The following FAM83G variants were observed in gnomAD, a reference collection of about 807,000 sequenced individuals.
FAM83G encodes protein FAM83G.
FAM83G carries 38 observed loss-of-function variants against 61.5 expected under a neutral mutation model. The ratio of observed to expected loss-of-function variants is 0.62; its 90% CI spans 0.48 to 0.81. FAM83G has a LOEUF of 0.81. FAM83G is among the 30% of genes least tolerant of loss of function. The probability of loss-of-function intolerance (pLI) is 0.00; values close to 1 mark genes in which losing one functional copy is unlikely to be tolerated. For missense variants in FAM83G, 989 were observed against 1,133.6 expected, an observed-to-expected ratio of 0.87 and a Z score of 1.83; for synonymous variants, 470 against 476.1, an observed-to-expected ratio of 0.99 and a Z score of 0.17.
At chr17:18,983,659 A>G (rs976989287) in intron 3 of FAM83G, among the ~76,000 whole-genome samples, 6 of 152,188 alleles carry the variant, frequency 3.9e-5, no homozygotes, top group Admixed American at 2.6e-4. Flanking sequence ...GCAGGCCTCC[A>G]GCAGCCTCTA....
chr17:18,995,667 G>C (rs190345382), intron 2 of FAM83G, among the ~76,000 whole-genome samples: 2 of 152,306 alleles, frequency 1.3e-5, no homozygotes, highest in Admixed American at 1.3e-4. Flanking sequence ...CAGCACTTTG[G>C]GAGGCAGAGG....
At chr17:18,977,164 G>C (rs756901230) in intron 5 of FAM83G, 2 of 869,024 alleles carry the variant, frequency 2.3e-6, no homozygotes, top group Admixed American at 2.7e-5. Flanking sequence ...CATGGATGTG[G>C]CTTGGCACAA....
At chr17:18,990,252 C>CA (rs2043380402) in intron 2 of FAM83G, among the ~76,000 whole-genome samples, 1 of 152,232 alleles carries the variant, frequency 6.6e-6, no homozygotes, top group Admixed American at 6.5e-5. Context: ...CTGCTTGGAG[C>CA]GGGGGTAGAT....
In FAM83G at chr17:18,969,326, T is replaced by A; in HGVS notation, c.*2033A>T. ...GGGGCCAGGGCCCCCTCCAGCAACCTTGCTTCCACTGGCAGGGGGCCTGGC... is the reference window on the plus strand; with the variant it reads ...GGGGCCAGGGCCCCCTCCAGCAACCATGCTTCCACTGGCAGGGGGCCTGGC... On this transcript the variant is annotated 3_prime_UTR_variant, in exon 6 of 6. Coordinates refer to ENST00000388995, the MANE Select transcript of FAM83G (RefSeq NM_001039999.3). 6.2e-7 allele frequency: 1 copy of A among 1,612,620 alleles called. No individual in the cohort carries two copies. The highest frequency in any genetic ancestry group is 8.5e-7 in the Non-Finnish European group (1 of 1,179,528).
intron 2 of FAM83G, among the ~76,000 whole-genome samples, chr17:18,991,216 C>T (rs550782937): frequency 3.9e-5 from 6 of 152,286 alleles, no homozygotes; most frequent in South Asian, 4.1e-4. Flanking sequence ...GAGCCCAGGA[C>T]GGGGCCTGGT....
chr17:18,969,262 C>CAGGAGCCCCAGA lies in FAM83G; in HGVS notation c.*2085_*2096dup, dbSNP rs1281914740. ...GGAGCAGCCCAGGAAGTGGCCCCAG[C>CAGGAGCCCCAGA]AGGAGCCCCAGAAGTTCCTCCCCGT... On this transcript the variant is annotated 3_prime_UTR_variant, in exon 6 of 6. Transcript: ENST00000388995. 4.1e-4 allele frequency: 648 copies of CAGGAGCCCCAGA among 1,575,736 alleles called. 1 individual carries two copies. Among genetic ancestry groups the CAGGAGCCCCAGA allele is most frequent in the Non-Finnish European group, 5.5e-4 (635 of 1,153,500 alleles).
Position 18,978,762 on chromosome 17 carries a change from C to A in FAM83G, c.904G>T (p.Glu302Ter). 6.2e-7 allele frequency: 1 copy of A among 1,612,968 alleles called. No individual in the cohort carries two copies. Among genetic ancestry groups the A allele is most frequent in the Non-Finnish European group, 8.5e-7 (1 of 1,180,014 alleles). ...ACACTGTGTGACATGAGGTACAGCT[C>A]CTGGAACTGCCGGTCAAACATCTCC... is the stretch of plus-strand genomic sequence containing the variant. ...VVEMFDRQFQ[E>*]LYLMSHSVSL... The change falls in exon 5 of 6, where the codon GAG becomes TAG. Residue 302 changes from glutamate (E) to a stop codon, truncating the protein, a stop_gained. Transcript: ENST00000388995. LOFTEE classifies it high-confidence loss of function.
In FAM83G at chr17:18,979,663, A is replaced by G. The variant is rs901725235; in HGVS notation, c.701T>C (p.Val234Ala). 1 of 1,613,338 alleles carries G rather than the reference A, an allele frequency of 6.2e-7. No homozygotes were observed. Among genetic ancestry groups the G allele is most frequent in the Non-Finnish European group, 8.5e-7 (1 of 1,179,956 alleles). Residue 234 changes from valine to alanine, a missense_variant, in exon 4 of 6, where the codon GTG (valine) becomes GCG (alanine). Transcript: ENST00000388995. Reference protein sequence around the residue: ...MHLGHLKNLRVRSSGGTEFFT... With the variant: ...MHLGHLKNLRARSSGGTEFFT... ...GAACTCAGTTCCCCCGCTGCTCCGC[A>G]CTCTGAGATTCTGTTTTGGGAACCA...
At chr17:18,977,496 A>G in intron 5 of FAM83G, 88 bp downstream of exon 5, 11 of 1,289,278 alleles carry the variant, frequency 8.5e-6, no homozygotes, top group Non-Finnish European at 1.1e-5. Context: ...AGTCAGGGAC[A>G]TGGTAGCCCA....
At position 18,976,703 on chromosome 17, in the gene FAM83G, T is replaced by C. The variant is rs118127777; in HGVS notation, c.2082+881A>G. Reference sequence around the variant, plus strand: ...CTCTCCTGGTGGGACCCTGACAGTATTGGGGCTTTGAGTGTGGCTGTTTTG... The same window carrying C: ...CTCTCCTGGTGGGACCCTGACAGTACTGGGGCTTTGAGTGTGGCTGTTTTG... On this transcript the variant is annotated intron_variant, in intron 5 of 5. Transcript: ENST00000388995. 1,487 of 1,007,104 alleles carry C rather than the reference T, an allele frequency of 1.5e-3. 11 individuals are homozygous for C. The African/African-American group carries it at 0.018, about 12-fold the overall frequency. The allele number at this position is 1,007,104 out of a possible 1,614,324, so 62.4% of individuals were successfully genotyped here. A position where few individuals can be genotyped will look rare whatever the true frequency, so the allele number is the denominator to read the frequency against.
At chr17:18,991,840 G>A (rs773888201) in intron 2 of FAM83G, among the ~76,000 whole-genome samples, 13 of 152,200 alleles carry the variant, frequency 8.5e-5, no homozygotes, top group Admixed American at 3.3e-4. Context: ...TCTGCTGGGC[G>A]GCCTTGAGGC....
At chr17:18,988,005 G>T (rs9901327) in intron 3 of FAM83G, among the ~76,000 whole-genome samples, 31,083 of 152,210 alleles carry the variant, frequency 0.2, 4,202 homozygotes, top group African/African-American at 0.37. Flanking sequence ...TCCAGCACCT[G>T]GTCAGCAAGC....
intron 2 of FAM83G, among the ~76,000 whole-genome samples, chr17:19,001,477 C>T (rs1221886846): frequency 1.3e-5 from 2 of 152,204 alleles, no homozygotes; most frequent in African/African-American, 4.8e-5. Context: ...AAGCAGGGCC[C>T]ACCTGTCCGA....
intron 2 of FAM83G, among the ~76,000 whole-genome samples, chr17:19,001,738 G>A (rs1053997225): frequency 3.3e-5 from 5 of 152,212 alleles, no homozygotes; most frequent in Non-Finnish European, 7.3e-5. Context: ...GACTCAGGGA[G>A]GAACCTGGGG....
At chr17:18,988,823 T>C (rs769025581) in intron 2 of FAM83G, among the ~76,000 whole-genome samples, 2 of 152,238 alleles carry the variant, frequency 1.3e-5, no homozygotes, top group Admixed American at 6.5e-5. Context: ...CCCAGATCTC[T>C]TCCTGTCAGC....
intron 3 of FAM83G, among the ~76,000 whole-genome samples, chr17:18,983,147 A>T (rs1216181981): frequency 6.6e-6 from 1 of 152,122 alleles, no homozygotes; most frequent in Non-Finnish European, 1.5e-5. Flanking sequence ...AGGGAAAGTG[A>T]CCTGCCCACT....
At chr17:18,998,797 C>A (rs1390417510) in intron 2 of FAM83G, among the ~76,000 whole-genome samples, 1 of 152,246 alleles carries the variant, frequency 6.6e-6, no homozygotes, top group South Asian at 2.1e-4. Flanking sequence ...GTGCGCCCCA[C>A]AAGGTGTCAA....
At chr17:19,001,910 C>A (rs1342162589) in intron 2 of FAM83G, among the ~76,000 whole-genome samples, 1 of 152,144 alleles carries the variant, frequency 6.6e-6, no homozygotes, top group African/African-American at 2.4e-5. Flanking sequence ...AGCAGGTCCC[C>A]CTACCCATGG....
Position 18,988,427 on chromosome 17 carries a change from A to C in FAM83G, c.523-13T>G, listed in dbSNP as rs1413191360. On this transcript the variant is annotated splice_polypyrimidine_tract_variant and intron_variant, in intron 2 of 5. Transcript: ENST00000388995. ...CCACAGCTATCACCTGGGAGCAAGAAGAGAGACTAGGGCCTGTCAGACAGT... is the reference window on the plus strand; with the variant it reads ...CCACAGCTATCACCTGGGAGCAAGACGAGAGACTAGGGCCTGTCAGACAGT... The C allele has an allele frequency of 1.2e-6, 2 of 1,613,378 alleles. No homozygotes were observed. The highest frequency in any genetic ancestry group is 2.7e-5 in the African/African-American group (2 of 74,932).
Sources: allele counts gnomAD v4.1 joint callset (sites outside exome capture counted in the v4.1 genomes callset), GRCh38; gene constraint gnomAD v4.1.1; transcripts MANE v1.5; gene names NCBI Gene and HGNC (gene_info 2026-07-23, HGNC 2026-07-21).